The following SMYD5 variants were observed in gnomAD, a reference collection of about 807,000 sequenced individuals.
The protein encoded by SMYD5 is protein-lysine N-trimethyltransferase SMYD5.
In SMYD5, 35 loss-of-function variants were observed where a neutral mutation model predicts 57.4. That is an observed-to-expected ratio of 0.61 (90% CI 0.47 to 0.81). SMYD5 has a LOEUF of 0.81. Among genes scored for constraint, SMYD5 ranks in the 30% least tolerant of loss-of-function variants. The probability of loss-of-function intolerance (pLI) is 0.00; values close to 1 mark genes in which losing one functional copy is unlikely to be tolerated. For missense variants in SMYD5, 471 were observed against 527.9 expected (o/e 0.89, Z 1.06); for synonymous variants, 198 against 189.7 (o/e 1.04, Z -0.36).
chr2:73,214,429 C>A, intron 1 of SMYD5, 67 bp downstream of exon 1: 1 of 1,608,246 alleles, frequency 6.2e-7, no homozygotes, highest in Non-Finnish European at 8.5e-7. Context: ...CCCGGCCGGA[C>A]TCCATGCCCG....
intron 6 of SMYD5, 76 bp downstream of exon 6, chr2:73,222,006 C>G: frequency 2.2e-6 from 2 of 925,344 alleles, no homozygotes; most frequent in Non-Finnish European, 3.6e-6. Flanking sequence ...GTGGGGAGCA[C>G]CACATTTGAT....
At chr2:73,224,609 C>T (rs1490596945) in intron 10 of SMYD5, among the ~76,000 whole-genome samples, 1 of 152,124 alleles carries the variant, frequency 6.6e-6, no homozygotes, top group East Asian at 1.9e-4. Context: ...CCTCCCTTTG[C>T]GAGACAGTGG....
chr2:73,214,709 TA>T, intron 1 of SMYD5: 1 of 1,369,684 alleles, frequency 7.3e-7, no homozygotes, highest in Non-Finnish European at 9.7e-7. Flanking sequence ...AACTGAGGTG[TA>T]AAAGAGGGAG....
intron 11 of SMYD5, 53 bp from the exon 12 acceptor site, chr2:73,225,578 T>G (rs1327580021): frequency 6.5e-7 from 1 of 1,540,000 alleles, no homozygotes; most frequent in Non-Finnish European, 9.0e-7. Context: ...GGGGAGGTCC[T>G]TATGCCATTT....
In SMYD5 at chr2:73,227,170, A is replaced by C. The variant is rs1686526232; in HGVS notation, c.*1224A>C. The C allele has an allele frequency of 6.6e-6, 1 of 152,366 alleles. No individual in the cohort carries two copies. The highest frequency in any genetic ancestry group is 1.5e-5 in the Non-Finnish European group (1 of 68,134). The allele number at this position is 152,366 out of a possible 1,614,324, so 9.4% of individuals were successfully genotyped here. ...TTCTTACTCCTTCACAACGGTCAGC[A>C]CTCCTCTCCCAGCCCCCCTGCCCAC... is the stretch of plus-strand genomic sequence containing the variant. On this transcript the variant is annotated 3_prime_UTR_variant, in exon 13 of 13. Coordinates refer to ENST00000389501, the MANE Select transcript of SMYD5 (RefSeq NM_006062.3).
chr2:73,215,029 G>A (rs1233481414), intron 1 of SMYD5, among the ~76,000 whole-genome samples: 1 of 152,206 alleles, frequency 6.6e-6, no homozygotes, highest in African/African-American at 2.4e-5. Flanking sequence ...ATGCAGCAGT[G>A]AATCTTTCAA....
In SMYD5 at chr2:73,223,590, T is replaced by C. The variant is rs72905340; in HGVS notation, c.883+58T>C. The C allele has an allele frequency of 2.2e-3, 2,628 of 1,177,988 alleles. 49 individuals are homozygous for C. In the African/African-American group the frequency reaches 0.032, roughly 14 times the overall value. The allele number at this position is 1,177,988 out of a possible 1,614,324, so 73.0% of individuals were successfully genotyped here. A position where few individuals can be genotyped will look rare whatever the true frequency, so the allele number is the denominator to read the frequency against. ...CATGGCGACCCCCCCAGTCAGATGG[T>C]GGACACAAAGTCTTTCCCCAGGGTG... On this transcript the variant is annotated intron_variant, in intron 9 of 12. Coordinates refer to ENST00000389501, the MANE Select transcript of SMYD5 (RefSeq NM_006062.3).
intron 9 of SMYD5, 128 bp downstream of exon 9, chr2:73,223,660 G>T: frequency 1.4e-6 from 1 of 732,626 alleles, no homozygotes; most frequent in Non-Finnish European, 2.4e-6. Context: ...GTGCCTGTGG[G>T]GAGCTTCAGA....
intron 1 of SMYD5, 191 bp downstream of exon 1, chr2:73,214,553 C>T (rs957954698): frequency 2.7e-6 from 4 of 1,484,872 alleles, no homozygotes; most frequent in Non-Finnish European, 3.6e-6. Flanking sequence ...GCGATAGACC[C>T]GGGCCTCCGG....
chr2:73,223,437 A>C lies in SMYD5; in HGVS notation c.788A>C (p.Gln263Pro). The C allele has an allele frequency of 6.2e-7, 1 of 1,613,178 alleles. No homozygotes were observed. Among genetic ancestry groups the C allele is most frequent in the South Asian group, 1.1e-5 (1 of 91,056 alleles). The change falls in exon 9 of 13, where the codon CAG (glutamine) becomes CCG (proline). Residue 263 changes from glutamine (Q) to proline (P), a missense_variant. By Grantham distance (76) the Gln-to-Pro change is moderately conservative. Transcript: ENST00000389501. ...CTGGGACCCCCCAGCTCCCTAAGCC[A>C]GTGGGTCCATGCCTGTGACACTCTG... ...GQGIGTSSLS[Q>P]WVHACDTLEL...
chr2:73,222,907 A>G (rs1686422920), intron 7 of SMYD5, 90 bp downstream of exon 7: 2 of 1,513,682 alleles, frequency 1.3e-6, no homozygotes, highest in Non-Finnish European at 1.8e-6. Context: ...GGGACAGCTG[A>G]GCCAAAGCCG....
chr2:73,217,628 G>A (rs1686313787), intron 1 of SMYD5, among the ~76,000 whole-genome samples: 1 of 152,188 alleles, frequency 6.6e-6, no homozygotes. Context: ...AGAGCTTCCA[G>A]AGTTGTTCAC....
chr2:73,226,101 TGG>T lies in SMYD5; in HGVS notation c.*156_*157del. ...GAGGGTAGGAGAGAGCCTGGATCTCTGGCCCCAACCCCCACCAGACCTCATGC... is the reference window on the plus strand; with the variant it reads ...GAGGGTAGGAGAGAGCCTGGATCTCTCCCCAACCCCCACCAGACCTCATGC... On this transcript the variant is annotated 3_prime_UTR_variant, in exon 13 of 13. Transcript: ENST00000389501. The T allele has an allele frequency of 4.6e-6, 5 of 1,076,892 alleles. No individual in the cohort carries two copies. Among genetic ancestry groups the T allele is most frequent in the Non-Finnish European group, 6.5e-6 (5 of 770,762 alleles). 66.7% of individuals were successfully genotyped at this position (1,076,892 alleles called of 1,614,324 possible). A position where few individuals can be genotyped will look rare whatever the true frequency, so the allele number is the denominator to read the frequency against.
At chr2:73,224,608 G>T (rs1686463568) in intron 10 of SMYD5, among the ~76,000 whole-genome samples, 1 of 152,188 alleles carries the variant, frequency 6.6e-6, no homozygotes, top group African/African-American at 2.4e-5. Context: ...CCCTCCCTTT[G>T]CGAGACAGTG....
intron 4 of SMYD5, 99 bp downstream of exon 4, chr2:73,220,881 C>T (rs929157087): frequency 5.0e-6 from 7 of 1,404,000 alleles, no homozygotes; most frequent in South Asian, 2.6e-5. Context: ...TCCAATTCCC[C>T]GGATTTTTCT....
intron 9 of SMYD5, among the ~76,000 whole-genome samples, 192 bp from the exon 10 acceptor site, chr2:73,223,755 T>C (rs542965891): frequency 2.4e-4 from 37 of 151,948 alleles, no homozygotes; most frequent in African/African-American, 5.3e-4. Context: ...GCTGGATAAA[T>C]AGGATGTCTT....
chr2:73,221,305 C>A, intron 5 of SMYD5, 71 bp downstream of exon 5: 1 of 1,231,914 alleles, frequency 8.1e-7, no homozygotes. Context: ...GTCTTTTCCT[C>A]ACCTCAAAGC....
intron 12 of SMYD5, 27 bp from the exon 13 acceptor site, chr2:73,225,769 C>A: frequency 6.2e-7 from 1 of 1,613,860 alleles, no homozygotes; most frequent in South Asian, 1.1e-5. Flanking sequence ...CCTGACTTTT[C>A]CCCCTCACCA....
intron 3 of SMYD5, 33 bp downstream of exon 3, chr2:73,220,223 G>T: frequency 1.2e-6 from 2 of 1,609,944 alleles, no homozygotes; most frequent in Non-Finnish European, 1.7e-6. Flanking sequence ...CCTGGAAGGG[G>T]GTGGGTGAGG....
Sources: allele counts gnomAD v4.1 joint callset (sites outside exome capture counted in the v4.1 genomes callset), GRCh38; gene constraint gnomAD v4.1.1; transcripts MANE v1.5; gene names NCBI Gene and HGNC (gene_info 2026-07-23, HGNC 2026-07-21).